Variants in CAPN2 observed in about 807,000 individuals in gnomAD.
CAPN2 encodes the protein calpain 2.
CAPN2 carries 92 observed loss-of-function variants against 102.3 expected under a neutral mutation model. The observed-to-expected ratio is 0.90, with a 90% CI of 0.76 to 1.07. The LOEUF (loss-of-function observed/expected upper bound fraction) is 1.07, where lower values mean the gene tolerates loss of function less well. Among genes scored for constraint, CAPN2 ranks in the 50% least tolerant of loss-of-function variants. The probability of loss-of-function intolerance (pLI) is 0.00; values close to 1 mark genes in which losing one functional copy is unlikely to be tolerated. For missense variants in CAPN2, 800 were observed against 909.4 expected (o/e 0.88, Z 1.55); for synonymous variants, 340 against 355.4 (o/e 0.96, Z 0.49).
chr1:223,734,059 G>A (rs1225922808), intron 2 of CAPN2, among the ~76,000 whole-genome samples: 2 of 152,160 alleles, frequency 1.3e-5, no homozygotes, highest in Non-Finnish European at 1.5e-5. Context: ...TCTGTTATGT[G>A]AGGAGAAAAG....
intron 19 of CAPN2, 59 bp from the exon 20 acceptor site, chr1:223,772,122 G>A (rs1661493161): frequency 1.3e-6 from 2 of 1,497,766 alleles, no homozygotes; most frequent in South Asian, 2.3e-5. Context: ...CTGAAAAGAG[G>A]ATAATGTGAT....
At chr1:223,730,931 A>G (rs551420010) in intron 2 of CAPN2, among the ~76,000 whole-genome samples, 1 of 152,364 alleles carries the variant, frequency 6.6e-6, no homozygotes, top group East Asian at 1.9e-4. Context: ...GTTAAGGAGC[A>G]TGTATACTTG....
chr1:223,772,161 C>G lies in CAPN2; in HGVS notation c.2021-20C>G. 3 of 1,612,654 alleles carry G rather than the reference C, an allele frequency of 1.9e-6. No individual in the cohort carries two copies. The highest frequency in any genetic ancestry group is 2.5e-6 in the Non-Finnish European group (3 of 1,178,666). On this transcript the variant is annotated intron_variant, in intron 19 of 20. Coordinates refer to ENST00000295006, the MANE Select transcript of CAPN2 (RefSeq NM_001748.5). ...TTTCAGCTCACTCACTTGTGACACC[C>G]TCTTTTTCTCCCTCCACAGAGATAT...
intron 1 of CAPN2, among the ~76,000 whole-genome samples, chr1:223,713,584 A>G (rs1261627962): frequency 6.6e-6 from 1 of 152,088 alleles, no homozygotes; most frequent in Non-Finnish European, 1.5e-5. Flanking sequence ...GTGCTCCCCA[A>G]TCTACTTGTC....
chr1:223,729,376 G>A (rs995355899), intron 2 of CAPN2, among the ~76,000 whole-genome samples: 2 of 152,148 alleles, frequency 1.3e-5, no homozygotes, highest in African/African-American at 4.8e-5. Context: ...ATTAAGGTAG[G>A]CTAGGCTAAG....
intron 12 of CAPN2, 21 bp from the exon 13 acceptor site, chr1:223,761,560 A>G: frequency 1.2e-6 from 2 of 1,609,866 alleles, no homozygotes; most frequent in Non-Finnish European, 1.7e-6. Context: ...CCAGTAACAC[A>G]TAATTTCCTT....
chr1:223,731,437 C>T lies in CAPN2; in HGVS notation c.308-12663C>T, dbSNP rs1000390569. On this transcript the variant is annotated intron_variant, in intron 2 of 20. Coordinates refer to ENST00000295006, the MANE Select transcript of CAPN2 (RefSeq NM_001748.5). The surrounding 1 kb of genome is among the most constrained non-coding windows in gnomAD (Gnocchi z 4.2). Reference sequence around the variant, plus strand: ...CCCTCTCCCTGAAAGTGCCCCTGCTCTTCCTCACCCAGCTCCCCGCTCTAA... The same window carrying T: ...CCCTCTCCCTGAAAGTGCCCCTGCTTTTCCTCACCCAGCTCCCCGCTCTAA... 2.6e-5 allele frequency among the ~76,000 whole-genome samples: 4 copies of T among 152,112 alleles called. No homozygotes were observed. The highest frequency in any genetic ancestry group is 9.7e-5 in the African/African-American group (4 of 41,424).
rs902399715 is a variant in CAPN2 at position 223,754,320 on chromosome 1, G to T, written c.1136-1160G>T. 5.9e-5 allele frequency among the ~76,000 whole-genome samples: 9 copies of T among 152,212 alleles called. No individual in the cohort carries two copies. Among genetic ancestry groups the T allele is most frequent in the Admixed American group, 5.9e-4 (9 of 15,286 alleles). On this transcript the variant is annotated intron_variant, in intron 9 of 20. Coordinates refer to ENST00000295006, the MANE Select transcript of CAPN2 (RefSeq NM_001748.5). This position sits in a 1 kb window ranked among gnomAD's most constrained non-coding sequence, Gnocchi z 4.7. ...GCCACCAAGTGGCAGTCCCAGAGGC[G>T]CTGGGAAGGCCCTCTGCCCCCCACA...
chr1:223,747,852 G>A (rs547780965), intron 5 of CAPN2, among the ~76,000 whole-genome samples: 70 of 152,298 alleles, frequency 4.6e-4, no homozygotes, highest in Non-Finnish European at 7.9e-4. Context: ...TCTCTTAGAG[G>A]TATTGGTTTC....
chr1:223,733,390 A>G (rs532566235), intron 2 of CAPN2, among the ~76,000 whole-genome samples: 1 of 152,332 alleles, frequency 6.6e-6, no homozygotes, highest in South Asian at 2.1e-4. Flanking sequence ...GGCCTGTCAC[A>G]CAGCCAACCT....
chr1:223,717,662 G>A, intron 1 of CAPN2, 100 bp from the exon 2 acceptor site: 4 of 875,992 alleles, frequency 4.6e-6, no homozygotes, highest in South Asian at 1.4e-5. Context: ...GGGAGGGGAA[G>A]GGGAGAAGGG....
intron 15 of CAPN2, among the ~76,000 whole-genome samples, chr1:223,764,992 G>C (rs1661275734): frequency 6.6e-6 from 1 of 152,066 alleles, no homozygotes; most frequent in African/African-American, 2.4e-5. Context: ...ACACAACACA[G>C]AGACATTTTT....
rs752449421 is a variant in CAPN2, at chr1:223,755,575, C to T, written c.1231C>T (p.Leu411Phe). The T allele has an allele frequency of 1.9e-6, 3 of 1,613,694 alleles. No individual in the cohort carries two copies. The South Asian group carries it at 3.3e-5, about 18-fold the overall frequency. ...GESGCTFLVG[L>F]IQKHRRRQRK... ...GAGCGGCTGCACCTTCCTGGTGGGG[C>T]TCATTCAGAAGCACCGACGGCGGCA... The change falls in exon 10 of 21, where the codon CTC becomes TTC. Residue 411 changes from leucine (L) to phenylalanine (F), a missense_variant. Transcript: ENST00000295006. This position sits in a 1 kb window ranked among gnomAD's most constrained non-coding sequence, Gnocchi z 4.1.
At chr1:223,706,897 T>C (rs1571773350) in intron 1 of CAPN2, among the ~76,000 whole-genome samples, 1 of 152,056 alleles carries the variant, frequency 6.6e-6, no homozygotes, top group East Asian at 1.9e-4. Context: ...CTGGACAACA[T>C]GGCGAAACCC....
chr1:223,766,570 C>A, intron 16 of CAPN2, 139 bp downstream of exon 16: 1 of 674,364 alleles, frequency 1.5e-6, no homozygotes, highest in South Asian at 1.8e-5. Context: ...GGACAGTCAG[C>A]AGCGCTGACC....
At chr1:223,766,049 G>A (rs4610970) in intron 15 of CAPN2, among the ~76,000 whole-genome samples, 4,765 of 152,232 alleles carry the variant, frequency 0.031, 250 homozygotes, top group African/African-American at 0.11. Flanking sequence ...CTTTTTCCCT[G>A]CCCAACAACT....
rs185011547 is a variant in CAPN2 at position 223,725,812 on chromosome 1, C to T, written c.307+7981C>T. The stretch of plus-strand genomic sequence containing the variant: ...CCAAGGAACGTGGACTCTCTCCTAT[C>T]CCAGCACATACACGTGCTTCCAGTA... On this transcript the variant is annotated intron_variant, in intron 2 of 20. Transcript: ENST00000295006. This position sits in a 1 kb window ranked among gnomAD's most constrained non-coding sequence, Gnocchi z 4.1. Among the ~76,000 whole-genome samples, 2 of 152,334 alleles carry T rather than the reference C, an allele frequency of 1.3e-5. No homozygotes were observed. The highest frequency in any genetic ancestry group is 3.9e-4 in the East Asian group (2 of 5,188).
upstream of CAPN2, among the ~76,000 whole-genome samples, chr1:223,709,661 C>CA (rs779362608): frequency 1.4e-3 from 187 of 137,754 alleles, 1 homozygote; most frequent in African/African-American, 3.2e-3. Context: ...AACTCCATCT[C>CA]AAAAAAAAAA....
intron 13 of CAPN2, 32 bp downstream of exon 13, chr1:223,761,649 T>C: frequency 6.3e-7 from 1 of 1,583,024 alleles, no homozygotes; most frequent in Non-Finnish European, 8.7e-7. Flanking sequence ...TCACCCACTC[T>C]GTCCTGGACA....
Sources: allele counts gnomAD v4.1 joint callset (sites outside exome capture counted in the v4.1 genomes callset), GRCh38; gene constraint gnomAD v4.1.1; non-coding constraint Gnocchi (gnomAD v3.1); transcripts MANE v1.5; gene names NCBI Gene and HGNC (gene_info 2026-07-23, HGNC 2026-07-21).